The following CGNL1 variants were observed in gnomAD, a reference collection of about 807,000 sequenced individuals.
The protein encoded by CGNL1 is cingulin-like protein 1.
Under a neutral mutation model 141.2 loss-of-function variants are expected in CGNL1, and 132 were observed. The observed-to-expected ratio is 0.93, with a 90% CI of 0.81 to 1.08. The LOEUF (loss-of-function observed/expected upper bound fraction) is 1.08. Ranked by LOEUF, CGNL1 falls within the 50% of genes least tolerant of loss-of-function variation. The probability of loss-of-function intolerance (pLI) is 0.00; values close to 1 mark genes in which losing one functional copy is unlikely to be tolerated. For missense variants in CGNL1, 1,870 were observed against 1,588.6 expected (o/e 1.18, Z -3.01); for synonymous variants, 690 against 622.1 (o/e 1.11, Z -1.63).
chr15:57,528,401 A>G (rs966109646), intron 12 of CGNL1, among the ~76,000 whole-genome samples: 1 of 152,226 alleles, frequency 6.6e-6, no homozygotes, highest in African/African-American at 2.4e-5. Context: ...TAATTAAAAA[A>G]TGCTGGTCAA....
chr15:57,381,277 T>A (rs1301193485), intron 1 of CGNL1, among the ~76,000 whole-genome samples: 1 of 151,976 alleles, frequency 6.6e-6, no homozygotes, highest in African/African-American at 2.4e-5. Context: ...GCATAGTAGT[T>A]GACAGTGGCA....
intron 18 of CGNL1, among the ~76,000 whole-genome samples, chr15:57,546,506 A>G (rs577858758): frequency 2.0e-4 from 30 of 152,336 alleles, no homozygotes; most frequent in African/African-American, 6.7e-4. Flanking sequence ...AAGGGGAAAC[A>G]GAGGCTTAGG....
At chr15:57,500,555 A>G (rs1170077099) in intron 8 of CGNL1, among the ~76,000 whole-genome samples, 1 of 152,186 alleles carries the variant, frequency 6.6e-6, no homozygotes, top group Non-Finnish European at 1.5e-5. Context: ...GGAACTGAAC[A>G]TTGTTAATTA....
chr15:57,507,400 G>C (rs1267517627), intron 8 of CGNL1, among the ~76,000 whole-genome samples: 2 of 152,194 alleles, frequency 1.3e-5, no homozygotes, highest in Non-Finnish European at 2.9e-5. Context: ...AGGCCACTCT[G>C]AGAGTGAATC....
chr15:57,405,772 C>CTCTTTCTTTTTCTTTCTT (rs1447047398), intron 1 of CGNL1, among the ~76,000 whole-genome samples: 10 of 123,492 alleles, frequency 8.1e-5, no homozygotes, highest in African/African-American at 3.3e-4. Flanking sequence ...TTCTTTCTTT[C>CTCTTTCTTTTTCTTTCTT]TCTTTCTTTC....
chr15:57,461,015 T>C (rs2063439042), intron 7 of CGNL1, among the ~76,000 whole-genome samples: 1 of 152,014 alleles, frequency 6.6e-6, no homozygotes, highest in Non-Finnish European at 1.5e-5. Context: ...GCTGGAAAAC[T>C]GAGAAGGTCT....
chr15:57,474,837 T>C (rs1200805309), intron 8 of CGNL1, among the ~76,000 whole-genome samples: 1 of 152,250 alleles, frequency 6.6e-6, no homozygotes, highest in African/African-American at 2.4e-5. Flanking sequence ...AAACAGTGTG[T>C]AAACCTTTCA....
chr15:57,501,821 C>G lies in CGNL1; in HGVS notation c.2404-14959C>G, dbSNP rs139777985. On this transcript the variant is annotated intron_variant, in intron 8 of 18. Transcript: ENST00000281282. Reference sequence around the variant, plus strand: ...AGAGATGGAAGCAGCAGTGGGACCCCAGCAGCAGTGCCCTGACTGCCACCG... The same window carrying G: ...AGAGATGGAAGCAGCAGTGGGACCCGAGCAGCAGTGCCCTGACTGCCACCG... 2.2e-3 allele frequency among the ~76,000 whole-genome samples: 333 copies of G among 152,230 alleles called. 4 individuals are homozygous for G. The highest frequency in any genetic ancestry group is 6.8e-3 in the Middle Eastern group (2 of 294).
intron 1 of CGNL1, among the ~76,000 whole-genome samples, chr15:57,412,814 C>G (rs1318730298): frequency 5.3e-5 from 8 of 152,198 alleles, no homozygotes; most frequent in Non-Finnish European, 1.2e-4. Flanking sequence ...ATGCTTCCAG[C>G]TCTACTCCCC....
chr15:57,543,896 CTGGGGGG>C, intron 15 of CGNL1, 117 bp downstream of exon 15: 1 of 698,042 alleles, frequency 1.4e-6, no homozygotes, highest in Non-Finnish European at 2.4e-6. Flanking sequence ...CCCAAGAACT[CTGGGGGG>C]TAACAGTCCT....
chr15:57,438,668 C>T lies in CGNL1; in HGVS notation c.669C>T (p.Val223=). Residue 223 remains valine, a synonymous_variant, in exon 2 of 19, where the codon GTC becomes GTT. Transcript: ENST00000281282. ...VTAIRLCSSV[V]IEDPKKQTSV... is the part of the protein sequence containing the mutation. ...CTATTCGTTTATGCAGCTCCGTGGTCATAGAGGACCCCAAAAAGCAGACCT... is the reference window on the plus strand; with the variant it reads ...CTATTCGTTTATGCAGCTCCGTGGTTATAGAGGACCCCAAAAAGCAGACCT... 1 of 1,614,126 alleles carries T rather than the reference C, an allele frequency of 6.2e-7. No homozygotes were observed.
At chr15:57,461,022 G>C (rs1343389222) in intron 7 of CGNL1, among the ~76,000 whole-genome samples, 1 of 152,128 alleles carries the variant, frequency 6.6e-6, no homozygotes, top group Non-Finnish European at 1.5e-5. Context: ...AACTGAGAAG[G>C]TCTGGGACAA....
At chr15:57,411,334 G>C (rs1419708745) in intron 1 of CGNL1, among the ~76,000 whole-genome samples, 1 of 152,132 alleles carries the variant, frequency 6.6e-6, no homozygotes, top group Non-Finnish European at 1.5e-5. Flanking sequence ...GATCTCTCTG[G>C]GGAGTCAAAA....
intron 1 of CGNL1, among the ~76,000 whole-genome samples, chr15:57,385,492 CAG>C (rs1449280866): frequency 3.9e-5 from 6 of 152,214 alleles, no homozygotes; most frequent in Non-Finnish European, 5.9e-5. Context: ...GCCTGGGTGA[CAG>C]AGAAAAATAA....
At chr15:57,526,078 A>G (rs2031593185) in intron 12 of CGNL1, among the ~76,000 whole-genome samples, 1 of 152,104 alleles carries the variant, frequency 6.6e-6, no homozygotes, top group Non-Finnish European at 1.5e-5. Context: ...TTGGAAAGAA[A>G]CATAGAGATC....
At chr15:57,530,250 C>T (rs1238075618) in intron 13 of CGNL1, among the ~76,000 whole-genome samples, 1 of 152,206 alleles carries the variant, frequency 6.6e-6, no homozygotes, top group Non-Finnish European at 1.5e-5. Flanking sequence ...TATATCCTGA[C>T]TAAAGAGATC....
chr15:57,514,289 T>G (rs2030589584), intron 8 of CGNL1, among the ~76,000 whole-genome samples: 1 of 152,192 alleles, frequency 6.6e-6, no homozygotes, highest in South Asian at 2.1e-4. Flanking sequence ...TTAGCTGGGA[T>G]TACAGGTGTG....
intron 12 of CGNL1, 144 bp downstream of exon 12, chr15:57,524,895 C>A: frequency 1.2e-6 from 1 of 828,344 alleles, no homozygotes; most frequent in Non-Finnish European, 1.8e-6. Flanking sequence ...TGGATGGGTT[C>A]CGTGGGCAAA....
At position 57,501,568 on chromosome 15, in the gene CGNL1, G is replaced by A. The variant is rs190943063; in HGVS notation, c.2404-15212G>A. 2.2e-3 allele frequency among the ~76,000 whole-genome samples: 342 copies of A among 152,334 alleles called. 3 individuals are homozygous for A. Among genetic ancestry groups the A allele is most frequent in the African/African-American group, 7.8e-3 (324 of 41,588 alleles). ...ATGGGATGGGCTGAGAGGTGGAGAC[G>A]GGGTGTTGGCCATAGAGGGAGAGAA... On this transcript the variant is annotated intron_variant, in intron 8 of 18. Coordinates refer to ENST00000281282, the MANE Select transcript of CGNL1 (RefSeq NM_032866.5).
Sources: gnomAD v4.1 joint callset for allele counts (sites outside exome capture counted in the v4.1 genomes callset) on GRCh38, gnomAD v4.1.1 for gene constraint, MANE v1.5 for transcripts, NCBI Gene and HGNC (gene_info 2026-07-23, HGNC 2026-07-21) for gene names.